ASPSCR1: variants seen among roughly 807,000 people sequenced by gnomAD.
ASPSCR1 encodes the protein ASPSCR1 tether for SLC2A4, UBX domain containing.
Under a neutral mutation model 68.9 loss-of-function variants are expected in ASPSCR1, and 55 were observed. That is an observed-to-expected ratio of 0.80 (90% confidence interval 0.64 to 1.00). The LOEUF (loss-of-function observed/expected upper bound fraction) is 1.00, where lower values mean the gene tolerates loss of function less well. Among genes scored for constraint, ASPSCR1 ranks in the 50% least tolerant of loss-of-function variants. The pLI, the probability that ASPSCR1 is intolerant of heterozygous loss-of-function variation, is 0.00. For missense variants in ASPSCR1, 765 were observed against 762.2 expected (o/e 1.00, Z -0.04); for synonymous variants, 352 against 332.6 (o/e 1.06, Z -0.63).
intron 2 of ASPSCR1, 87 bp downstream of exon 2, chr17:81,979,326 CCAGGTGGTTTTAAA>C: frequency 6.7e-7 from 1 of 1,483,632 alleles, no homozygotes. Context: ...GGAAAAGCCC[CCAGGTGGTTTTAAA>C]CAGTCATATA....
intron 4 of ASPSCR1, among the ~76,000 whole-genome samples, chr17:81,993,112 A>G (rs1255745342): frequency 6.6e-6 from 1 of 152,062 alleles, no homozygotes; most frequent in Non-Finnish European, 1.5e-5. Context: ...CCGAGTCCCC[A>G]GGTGTCGGGG....
chr17:82,015,100 C>A (rs1251152772), intron 12 of ASPSCR1: 1 of 1,597,998 alleles, frequency 6.3e-7, no homozygotes, highest in East Asian at 2.2e-5. Context: ...CGGGTGGCTC[C>A]ATTCACCCTG....
At chr17:81,993,675 A>G (rs2042245608) in intron 4 of ASPSCR1, among the ~76,000 whole-genome samples, 1 of 152,182 alleles carries the variant, frequency 6.6e-6, no homozygotes, top group Non-Finnish European at 1.5e-5. Flanking sequence ...GTATGTCTCG[A>G]CCTGGACACT....
At chr17:82,002,923 G>A (rs2042583744) in intron 7 of ASPSCR1, among the ~76,000 whole-genome samples, 1 of 151,248 alleles carries the variant, frequency 6.6e-6, no homozygotes, top group African/African-American at 2.4e-5. Context: ...TGCCTAGCCT[G>A]GAGTGTGGTG....
At chr17:82,016,355 C>CT in intron 12 of ASPSCR1, 121 bp from the exon 13 acceptor site, 1 of 883,806 alleles carries the variant, frequency 1.1e-6, no homozygotes, top group African/African-American at 1.7e-5. Flanking sequence ...CTCATGGGGG[C>CT]CGGGCAGGCA....
intron 12 of ASPSCR1, chr17:82,015,160 C>T (rs1395982634): frequency 3.1e-6 from 5 of 1,598,172 alleles, no homozygotes; most frequent in Non-Finnish European, 3.4e-6. Context: ...ACACGCTTGC[C>T]AGTGGTAGGA....
intron 12 of ASPSCR1, chr17:82,013,458 C>T (rs57441973): frequency 0.019 from 2,893 of 152,326 alleles, 145 homozygotes; most frequent in East Asian, 0.15. Flanking sequence ...CGGGGCCTCT[C>T]GGGGTGGTGT....
intron 12 of ASPSCR1, 26 bp from the exon 13 acceptor site, chr17:82,016,450 C>T (rs1181426564): frequency 4.5e-6 from 7 of 1,544,494 alleles, no homozygotes; most frequent in Non-Finnish European, 6.1e-6. Context: ...CACACCCGGC[C>T]CCTGAGCCCC....
intron 1 of ASPSCR1, 133 bp from the exon 2 acceptor site, chr17:81,979,051 G>A: frequency 1.2e-6 from 1 of 854,874 alleles, no homozygotes; most frequent in Non-Finnish European, 2.0e-6. Flanking sequence ...CCATAGTGTG[G>A]TCTTGTGCTT....
intron 7 of ASPSCR1, among the ~76,000 whole-genome samples, chr17:82,000,622 G>C (rs1021542204): frequency 6.6e-6 from 1 of 152,252 alleles, no homozygotes; most frequent in African/African-American, 2.4e-5. Flanking sequence ...TTTTGCCTGT[G>C]TGTGGTTTTT....
chr17:81,985,760 T>C (rs1333390354), intron 4 of ASPSCR1, among the ~76,000 whole-genome samples, 153 bp downstream of exon 4: 4 of 152,172 alleles, frequency 2.6e-5, no homozygotes, highest in Admixed American at 2.6e-4. Context: ...GAGGGGTGTG[T>C]GGGCTGCCGG....
intron 12 of ASPSCR1, chr17:82,013,499 C>T (rs1019797028): frequency 6.6e-6 from 1 of 152,220 alleles, no homozygotes; most frequent in African/African-American, 2.4e-5. Context: ...GCCTGCCTGC[C>T]GTCAGAGAGC....
chr17:81,986,615 G>T lies in ASPSCR1; in HGVS notation c.374+1008G>T, dbSNP rs1421863499. Among the ~76,000 whole-genome samples the T allele has an allele frequency of 6.6e-6, 1 of 151,722 alleles. No individual in the cohort carries two copies. Among genetic ancestry groups the T allele is most frequent in the Non-Finnish European group, 1.5e-5 (1 of 67,986 alleles). The stretch of plus-strand genomic sequence containing the variant: ...TGGAAGGGACTTGGGGCTGGGGTTT[G>T]CTGTGAGCCAGGGGGTTCTCGCCCT... On this transcript the variant is annotated intron_variant, in intron 4 of 15. Coordinates refer to ENST00000306739, the MANE Select transcript of ASPSCR1 (RefSeq NM_024083.4). This position sits in a 1 kb window ranked among gnomAD's most constrained non-coding sequence, Gnocchi z 5.2.
chr17:82,012,088 A>T, intron 11 of ASPSCR1, 143 bp from the exon 12 acceptor site: 1 of 994,258 alleles, frequency 1.0e-6, no homozygotes, highest in South Asian at 1.3e-5. Context: ...CTGCAGCAGG[A>T]GTGTGGGCAC....
intron 12 of ASPSCR1, chr17:82,015,933 C>T (rs2043110735): frequency 6.0e-6 from 1 of 166,850 alleles, no homozygotes; most frequent in South Asian, 1.6e-4. Flanking sequence ...CCCTGGGCCC[C>T]CGGCTGGAGG....
Position 81,985,163 on chromosome 17 carries a change from C to G in ASPSCR1, c.274-344C>G, listed in dbSNP as rs529913341. 2.2e-4 allele frequency among the ~76,000 whole-genome samples: 33 copies of G among 151,326 alleles called. 1 individual carries two copies. The highest frequency in any genetic ancestry group is 2.4e-4 in the Non-Finnish European group (16 of 67,768). On this transcript the variant is annotated intron_variant, in intron 3 of 15. Transcript: ENST00000306739. ...GCACATCTGCACGCACATGCGCACA[C>G]CTGCACACACCCACACACCAACATG... is the stretch of plus-strand genomic sequence containing the variant.
chr17:81,986,136 G>A lies in ASPSCR1; in HGVS notation c.374+529G>A, dbSNP rs2041985844. Among the ~76,000 whole-genome samples the A allele has an allele frequency of 6.6e-6, 1 of 151,030 alleles. No homozygotes were observed. On this transcript the variant is annotated intron_variant, in intron 4 of 15. Coordinates refer to ENST00000306739, the MANE Select transcript of ASPSCR1 (RefSeq NM_024083.4). This position sits in a 1 kb window ranked among gnomAD's most constrained non-coding sequence, Gnocchi z 5.2. ...CTTCCTAATAGTAATTGGATGGCTG[G>A]GCACAGTGGCTGGGCACAGTGGCTG...
chr17:82,017,252 G>C (rs1261409683), intron 15 of ASPSCR1, 57 bp from the exon 16 acceptor site: 14 of 1,605,526 alleles, frequency 8.7e-6, no homozygotes, highest in Admixed American at 1.7e-5. Flanking sequence ...TGGTGGGCGG[G>C]TGGCCGGGTG....
chr17:82,011,675 C>G, intron 11 of ASPSCR1, 70 bp downstream of exon 11: 2 of 1,533,388 alleles, frequency 1.3e-6, no homozygotes, highest in Non-Finnish European at 8.9e-7. Flanking sequence ...GCACACCGCC[C>G]GTCCCAGCTG....
Sources: allele counts gnomAD v4.1 joint callset (sites outside exome capture counted in the v4.1 genomes callset), GRCh38; gene constraint gnomAD v4.1.1; non-coding constraint Gnocchi (gnomAD v3.1); transcripts MANE v1.5; gene names NCBI Gene and HGNC (gene_info 2026-07-23, HGNC 2026-07-21).